MTAP: variants seen among roughly 807,000 people sequenced by gnomAD.
MTAP encodes S-methyl-5'-thioadenosine phosphorylase.
MTAP carries 33 observed loss-of-function variants against 33.6 expected under a neutral mutation model. The ratio of observed to expected loss-of-function variants is 0.98; its 90% confidence interval spans 0.74 to 1.31. The LOEUF (loss-of-function observed/expected upper bound fraction) is 1.31, where lower values mean the gene tolerates loss of function less well. Ranked by LOEUF, MTAP falls within the 40% of genes most tolerant of loss-of-function variation. The pLI, the probability that MTAP is intolerant of heterozygous loss-of-function variation, is 0.00. For synonymous variants in MTAP, 148 were observed against 125.7 expected (o/e 1.18, Z -1.19); for missense variants, 367 against 360.0 (o/e 1.02, Z -0.16).
At chr9:21,802,833 G>A (rs769628789) in intron 1 of MTAP, 52 bp downstream of exon 1, 3 of 1,605,442 alleles carry the variant, frequency 1.9e-6, no homozygotes, top group East Asian at 4.5e-5. Flanking sequence ...ATGCCTTCTC[G>A]CCCCCGCGCC....
downstream of MTAP, chr9:21,940,856 TA>T (rs1429577472): frequency 4.7e-6 from 1 of 211,534 alleles, no homozygotes; most frequent in African/African-American, 2.4e-5. Flanking sequence ...TAGGTATGAT[TA>T]GTTAAATTGC....
At chr9:21,839,240 A>G (rs1825185649) in intron 5 of MTAP, among the ~76,000 whole-genome samples, 1 of 150,666 alleles carries the variant, frequency 6.6e-6, no homozygotes, top group Admixed American at 6.6e-5. Context: ...GTTTCTGGAT[A>G]GTTATCCACA....
chr9:21,925,952 C>T (rs1329082026), intron 1 of MTAP, among the ~76,000 whole-genome samples: 1 of 152,162 alleles, frequency 6.6e-6, no homozygotes, highest in Non-Finnish European at 1.5e-5. Flanking sequence ...TCTTTGCTGC[C>T]TGTGAGGGGA....
downstream of MTAP, among the ~76,000 whole-genome samples, chr9:21,871,602 A>G (rs1048847901): frequency 3.3e-5 from 5 of 152,216 alleles, no homozygotes; most frequent in Admixed American, 2.0e-4. Context: ...GTGTATGTCT[A>G]TATATACATA....
chr9:21,850,438 G>T (rs991522569), intron 5 of MTAP, among the ~76,000 whole-genome samples: 1 of 152,196 alleles, frequency 6.6e-6, no homozygotes, highest in Non-Finnish European at 1.5e-5. Context: ...CCAATTTTGA[G>T]TGGGTCCAGA....
intron 5 of MTAP, among the ~76,000 whole-genome samples, chr9:21,842,591 T>C (rs946477792): frequency 1.3e-5 from 2 of 152,182 alleles, no homozygotes; most frequent in Non-Finnish European, 2.9e-5. Context: ...CCAGAAGGGA[T>C]TGGAGTCCCA....
At chr9:21,907,899 C>G (rs758164988) in intron 1 of MTAP, among the ~76,000 whole-genome samples, 2 of 151,906 alleles carry the variant, frequency 1.3e-5, no homozygotes, top group Admixed American at 6.6e-5. Flanking sequence ...TCTTGGGCAC[C>G]CTTTACCCAG....
At position 21,847,573 on chromosome 9, in the gene MTAP, T is replaced by G. The variant is rs545222997; in HGVS notation, c.451-7058T>G. ...GAGGCAAGGACTCTACATAATACCT[T>G]TGACCATATGTGGAATCACCCTTAG... On this transcript the variant is annotated intron_variant, in intron 5 of 7. Coordinates refer to ENST00000644715, the MANE Select transcript of MTAP (RefSeq NM_002451.4). Among the ~76,000 whole-genome samples, 564 of 152,314 alleles carry G rather than the reference T, an allele frequency of 3.7e-3. 6 individuals carry two copies. Among genetic ancestry groups the G allele is most frequent in the African/African-American group, 0.013 (539 of 41,568 alleles).
chr9:21,909,024 A>G (rs1427411954), intron 1 of MTAP, among the ~76,000 whole-genome samples: 1 of 152,094 alleles, frequency 6.6e-6, no homozygotes, highest in Non-Finnish European at 1.5e-5. Flanking sequence ...AACAAAATTT[A>G]AGAAGAAAAG....
At chr9:21,852,074 C>T (rs551854826) in intron 5 of MTAP, among the ~76,000 whole-genome samples, 1 of 152,256 alleles carries the variant, frequency 6.6e-6, no homozygotes, top group Admixed American at 6.5e-5. Context: ...TAAAAAAGAA[C>T]AAAATGATGG....
chr9:21,870,842 C>T (rs189395144), downstream of MTAP, among the ~76,000 whole-genome samples: 478 of 144,462 alleles, frequency 3.3e-3, 4 homozygotes, highest in African/African-American at 0.011. Flanking sequence ...GGCATGATCT[C>T]GGCTCACTGC....
chr9:21,841,154 T>G (rs1825233315), intron 5 of MTAP, among the ~76,000 whole-genome samples: 1 of 152,162 alleles, frequency 6.6e-6, no homozygotes, highest in South Asian at 2.1e-4. Context: ...CCTGATGGTA[T>G]TTCCCTACCC....
At chr9:21,848,071 A>C (rs1216897049) in intron 5 of MTAP, among the ~76,000 whole-genome samples, 1 of 152,092 alleles carries the variant, frequency 6.6e-6, no homozygotes, top group African/African-American at 2.4e-5. Context: ...TCCCTGACCT[A>C]TGCTGCCATC....
rs1825819822 is a variant in MTAP, at chr9:21,864,614, G to A, written c.*2600G>A. 2.0e-6 allele frequency: 2 copies of A among 985,358 alleles called. No homozygotes were observed. The highest frequency in any genetic ancestry group is 3.5e-5 in the African/African-American group (2 of 57,222). 61.0% of individuals were successfully genotyped at this position (985,358 alleles called of 1,614,324 possible). A position where few individuals can be genotyped will look rare whatever the true frequency, so the allele number is the denominator to read the frequency against. On this transcript the variant is annotated 3_prime_UTR_variant, in exon 8 of 8. Transcript: ENST00000644715. ...CGAGGGTCATGGTCCTTGTGACCTG[G>A]CCCCTGTTCACTGCCCCCTTCGCTA... is the stretch of plus-strand genomic sequence containing the variant.
intron 6 of MTAP, among the ~76,000 whole-genome samples, chr9:21,858,498 C>T (rs1825684111): frequency 6.6e-6 from 1 of 152,158 alleles, no homozygotes; most frequent in Non-Finnish European, 1.5e-5. Context: ...AGGAGCGAGG[C>T]ATCTCACATG....
downstream of MTAP, among the ~76,000 whole-genome samples, chr9:21,867,551 C>T (rs944710541): frequency 1.1e-4 from 17 of 152,026 alleles, no homozygotes; most frequent in Admixed American, 8.5e-4. Flanking sequence ...ATGCTGGATT[C>T]GGTTTGCAAA....
At chr9:21,916,497 C>G (rs1187048549) in intron 1 of MTAP, among the ~76,000 whole-genome samples, 1 of 152,098 alleles carries the variant, frequency 6.6e-6, no homozygotes, top group African/African-American at 2.4e-5. Context: ...GTAATCCTAG[C>G]TACTCCAGAG....
At chr9:21,939,079 C>T (rs551733834), downstream of MTAP, among the ~76,000 whole-genome samples, 82 of 152,234 alleles carry the variant, frequency 5.4e-4, no homozygotes, top group Non-Finnish European at 9.0e-4. Context: ...ATGCTATTCT[C>T]GTGATAGTGA....
At chr9:21,841,290 A>C (rs1041873836) in intron 5 of MTAP, among the ~76,000 whole-genome samples, 2 of 152,236 alleles carry the variant, frequency 1.3e-5, no homozygotes, top group African/African-American at 4.8e-5. Flanking sequence ...TGCTCTCTTG[A>C]AAGTGCCACC....
Sources: gnomAD v4.1 joint callset for allele counts (sites outside exome capture counted in the v4.1 genomes callset) on GRCh38, gnomAD v4.1.1 for gene constraint, MANE v1.5 for transcripts, NCBI Gene and HGNC (gene_info 2026-07-23, HGNC 2026-07-21) for gene names.